Variants in ZNF669 observed in about 807,000 individuals in gnomAD.
ZNF669 encodes zinc finger protein 669.
ZNF669 carries 7 observed loss-of-function variants against 11.4 expected under a neutral mutation model. That is an observed-to-expected ratio of 0.62 (90% CI 0.35 to 1.16). The LOEUF (loss-of-function observed/expected upper bound fraction) is 1.16, where lower values mean the gene tolerates loss of function less well. Ranked by LOEUF, ZNF669 falls within the 50% of genes most tolerant of loss-of-function variation. The pLI, the probability that ZNF669 is intolerant of heterozygous loss-of-function variation, is 0.02. For missense variants in ZNF669, 492 were observed against 463.6 expected, an observed-to-expected ratio of 1.06 and a Z score of -0.56; for synonymous variants, 153 against 155.8, an observed-to-expected ratio of 0.98 and a Z score of 0.13.
At position 247,100,684 on chromosome 1, in the gene ZNF669, T is replaced by C. The variant is rs147008497; in HGVS notation, c.827A>G (p.Tyr276Cys). 7.4e-6 allele frequency: 12 copies of C among 1,614,168 alleles called. No homozygotes were observed. Among genetic ancestry groups the C allele is most frequent in the Admixed American group, 3.3e-5 (2 of 60,020 alleles). ...HGSIHTGERP[Y>C]ECKQCGKAFS... is the part of the protein sequence containing the mutation. ...GGCTTTGCCACATTGTTTACACTCA[T>C]AGGGTCTCTCTCCAGTATGAATGCT... Residue 276 changes from tyrosine to cysteine, a missense_variant, in exon 4 of 4, where the codon TAT becomes TGT. Transcript: ENST00000448299.
chr1:247,103,964 C>T, intron 1 of ZNF669: 2 of 1,604,102 alleles, frequency 1.2e-6, no homozygotes, highest in African/African-American at 1.3e-5. Context: ...GAGGGGTTCC[C>T]GACAGGGCTC....
In ZNF669 at chr1:247,100,960, C is replaced by T. The variant is rs1184949999; in HGVS notation, c.551G>A (p.Arg184Lys). ...YFLNSVERHQ[R>K]THTGEKPYKC... is the part of the protein sequence containing the mutation. ...ATAGGGTTTTTCTCCTGTGTGAGTTCTCTGATGTCTTTCAACTGAATTGAG... is the reference window on the plus strand; with the variant it reads ...ATAGGGTTTTTCTCCTGTGTGAGTTTTCTGATGTCTTTCAACTGAATTGAG... Residue 184 changes from arginine to lysine, a missense_variant, in exon 4 of 4, where the codon AGA (arginine) becomes AAA (lysine). Arg to Lys is a conservative substitution (Grantham distance 26). Coordinates refer to ENST00000448299, the MANE Select transcript of ZNF669 (RefSeq NM_001142572.2). 1.2e-6 allele frequency: 2 copies of T among 1,613,346 alleles called. No homozygotes were observed. The highest frequency in any genetic ancestry group is 3.3e-5 in the Admixed American group (2 of 59,914).
chr1:247,104,107 G>A, intron 1 of ZNF669, 90 bp downstream of exon 1: 1 of 1,597,212 alleles, frequency 6.3e-7, no homozygotes, highest in Non-Finnish European at 8.5e-7. Context: ...GCAGGTTCCG[G>A]AGCCGATGGC....
chr1:247,100,442 C>CT lies in ZNF669; in HGVS notation c.1068dup (p.Glu357ArgfsTer5). 6.2e-7 allele frequency: 1 copy of CT among 1,614,200 alleles called. No individual in the cohort carries two copies. On this transcript the variant is annotated frameshift_variant, in exon 4 of 4. Coordinates refer to ENST00000448299, the MANE Select transcript of ZNF669 (RefSeq NM_001142572.2). LOFTEE classifies it low-confidence loss of function (END_TRUNC). ...TAGGCTGAGTCACTACACCCAGCCTCTATATCATGACTTCTTTCATGGCGA... is the reference window on the plus strand; with the variant it reads ...TAGGCTGAGTCACTACACCCAGCCTCTTATATCATGACTTCTTTCATGGCGA...
Position 247,104,356 on chromosome 1 carries a change from C to T in ZNF669, c.-157G>A. On this transcript the variant is annotated 5_prime_UTR_variant, in exon 1 of 4. Coordinates refer to ENST00000448299, the MANE Select transcript of ZNF669 (RefSeq NM_001142572.2). ...AGAGCCGGCTCCGGCGAAGGAGAGACAAAGCAACCGCCAGGCAGATCCCGG... is the reference window on the plus strand; with the variant it reads ...AGAGCCGGCTCCGGCGAAGGAGAGATAAAGCAACCGCCAGGCAGATCCCGG... 1 of 1,091,396 alleles carries T rather than the reference C, an allele frequency of 9.2e-7. No individual in the cohort carries two copies. The highest frequency in any genetic ancestry group is 1.2e-6 in the Non-Finnish European group (1 of 814,746). 67.6% of individuals were successfully genotyped at this position (1,091,396 alleles called of 1,614,324 possible).
In ZNF669 at chr1:247,100,767, A is replaced by G. The variant is rs142281141; in HGVS notation, c.744T>C (p.Tyr248=). 91 of 1,614,056 alleles carry G rather than the reference A, an allele frequency of 5.6e-5. No homozygotes were observed. The highest frequency in any genetic ancestry group is 7.4e-5 in the Non-Finnish European group (87 of 1,179,976). The change falls in exon 4 of 4, where the codon TAT becomes TAC. Residue 248 remains tyrosine, a synonymous_variant. Coordinates refer to ENST00000448299, the MANE Select transcript of ZNF669 (RefSeq NM_001142572.2). ...HERTHTGERP[Y]KCTKCDKAFS... The stretch of plus-strand genomic sequence containing the variant: ...AGGCTTTATCACATTTGGTACATTT[A>G]TAGGGTCTTTCTCCAGTGTGAGTCC...
intron 1 of ZNF669, among the ~76,000 whole-genome samples, chr1:247,103,118 A>G (rs1671755980): frequency 6.6e-6 from 1 of 152,220 alleles, no homozygotes; most frequent in South Asian, 2.1e-4. Flanking sequence ...ATTTTCAACC[A>G]AAAATATTCA....
intron 1 of ZNF669, 82 bp from the exon 2 acceptor site, chr1:247,102,195 A>C (rs767671879): frequency 1.9e-4 from 276 of 1,463,768 alleles, no homozygotes; most frequent in Non-Finnish European, 2.5e-4. Flanking sequence ...TAAGCTGTTT[A>C]CATGATTTGA....
rs1278092202 is a variant in ZNF669 at position 247,103,949 on chromosome 1, G to A, written c.3+248C>T. On this transcript the variant is annotated intron_variant, in intron 1 of 3. Transcript: ENST00000448299. Reference sequence around the variant, plus strand: ...TGGTCACCACACTACCTGGATAGGGGAGGCGAGGGGTTCCCGACAGGGCTC... The same window carrying A: ...TGGTCACCACACTACCTGGATAGGGAAGGCGAGGGGTTCCCGACAGGGCTC... The A allele has an allele frequency of 1.2e-6, 2 of 1,602,038 alleles. No homozygotes were observed. The highest frequency in any genetic ancestry group is 1.1e-5 in the South Asian group (1 of 89,108).
Position 247,101,186 on chromosome 1 carries a change from CACAAAT to C in ZNF669, c.319_324del (p.Ile107_Cys108del), listed in dbSNP as rs759576154. On this transcript the variant is annotated inframe_deletion, in exon 4 of 4. Transcript: ENST00000448299. The stretch of plus-strand genomic sequence containing the variant: ...AGGGAATGACGTACAAAGACTTTTC[CACAAAT>C]ACTGCATTCACATGGTTTTAATCCA... 1 of 1,614,090 alleles carries C rather than the reference CACAAAT, an allele frequency of 6.2e-7. No individual in the cohort carries two copies. The highest frequency in any genetic ancestry group is 8.5e-7 in the Non-Finnish European group (1 of 1,180,012).
Position 247,101,583 on chromosome 1 carries a change from A to G in ZNF669, c.191+148T>C. 3.7e-6 allele frequency: 3 copies of G among 805,120 alleles called. 1 individual carries two copies. The highest frequency in any genetic ancestry group is 5.4e-5 in the East Asian group (2 of 37,052). The allele number at this position is 805,120 out of a possible 1,614,324, so 49.9% of individuals were successfully genotyped here. On this transcript the variant is annotated intron_variant, in intron 3 of 3. Coordinates refer to ENST00000448299, the MANE Select transcript of ZNF669 (RefSeq NM_001142572.2). ...CTCTTTTGCAAACACTGACTGCTAC[A>G]TTGAAGTACGTTACATTTTGGGTGA... is the stretch of plus-strand genomic sequence containing the variant.
chr1:247,101,400 T>C (rs1467302589), intron 3 of ZNF669, 81 bp from the exon 4 acceptor site: 3 of 1,437,170 alleles, frequency 2.1e-6, no homozygotes, highest in Non-Finnish European at 2.8e-6. Context: ...GGACTTACAC[T>C]GCTACCAATA....
At chr1:247,102,675 C>G (rs968382414) in intron 1 of ZNF669, among the ~76,000 whole-genome samples, 8 of 152,074 alleles carry the variant, frequency 5.3e-5, no homozygotes, top group Non-Finnish European at 1.2e-4. Flanking sequence ...AACCAGACAC[C>G]AAAACACAGT....
At chr1:247,103,797 A>G (rs972805042) in intron 1 of ZNF669, 7 of 1,184,848 alleles carry the variant, frequency 5.9e-6, no homozygotes, top group Non-Finnish European at 6.9e-6. Flanking sequence ...TAACGTTTTA[A>G]CAAAGCCTCG....
chr1:247,100,146 A>G lies in ZNF669; in HGVS notation c.*228T>C, dbSNP rs534812213. ...ACCACAGGCGTCTGCCACCACGCCC[A>G]GCTAATTTTTTGTATTTTTAGTAGA... On this transcript the variant is annotated 3_prime_UTR_variant, in exon 4 of 4. Transcript: ENST00000448299. 99 of 402,798 alleles carry G rather than the reference A, an allele frequency of 2.5e-4. 1 individual carries two copies. The highest frequency in any genetic ancestry group is 8.4e-4 in the Admixed American group (20 of 23,734). 25.0% of individuals were successfully genotyped at this position (402,798 alleles called of 1,614,324 possible). A position where few individuals can be genotyped will look rare whatever the true frequency, so the allele number is the denominator to read the frequency against.
Position 247,102,214 on chromosome 1 carries a change from A to C in ZNF669, c.4-101T>G, listed in dbSNP as rs1671740177. On this transcript the variant is annotated intron_variant, in intron 1 of 3. Coordinates refer to ENST00000448299, the MANE Select transcript of ZNF669 (RefSeq NM_001142572.2). Reference sequence around the variant, plus strand: ...CTGTTTACATGATTTGATAATTTCCAAGCATTTATTCTATGACTTGATTGT... The same window carrying C: ...CTGTTTACATGATTTGATAATTTCCCAGCATTTATTCTATGACTTGATTGT... 2.1e-6 allele frequency: 3 copies of C among 1,395,994 alleles called. No individual in the cohort carries two copies. The African/African-American group carries it at 4.3e-5, about 20-fold the overall frequency. The allele number at this position is 1,395,994 out of a possible 1,614,324, so 86.5% of individuals were successfully genotyped here.
At position 247,099,973 on chromosome 1, in the gene ZNF669, ATTTT is replaced by A. The variant is rs200967616; in HGVS notation, c.*397_*400del. On this transcript the variant is annotated 3_prime_UTR_variant, in exon 4 of 4. Coordinates refer to ENST00000448299, the MANE Select transcript of ZNF669 (RefSeq NM_001142572.2). Reference sequence around the variant, plus strand: ...AATGTGCCACCATGCCCAGCTAATTATTTTTTTATTTTATTTTATCTTATTTTTT... The same window carrying A: ...AATGTGCCACCATGCCCAGCTAATTATTTATTTTATTTTATCTTATTTTTT... 0.022 allele frequency: 3,598 copies of A among 160,012 alleles called. 147 individuals carry two copies. Among genetic ancestry groups the A allele is most frequent in the African/African-American group, 0.081 (3,340 of 41,348 alleles). The allele number at this position is 160,012 out of a possible 1,614,324, so 9.9% of individuals were successfully genotyped here.
intron 3 of ZNF669, among the ~76,000 whole-genome samples, 175 bp from the exon 4 acceptor site, chr1:247,101,494 G>A (rs951886159): frequency 6.6e-6 from 1 of 151,912 alleles, no homozygotes. Flanking sequence ...GCTACCACCT[G>A]CATGGCTATG....
chr1:247,101,923 C>G (rs1310684182), intron 2 of ZNF669, 64 bp downstream of exon 2: 4 of 1,611,356 alleles, frequency 2.5e-6, no homozygotes, highest in Non-Finnish European at 3.4e-6. Flanking sequence ...CATTCCAAAT[C>G]ATAAATAGCA....
Sources: gnomAD v4.1 joint callset for allele counts (sites outside exome capture counted in the v4.1 genomes callset) on GRCh38, gnomAD v4.1.1 for gene constraint, MANE v1.5 for transcripts, NCBI Gene and HGNC (gene_info 2026-07-23, HGNC 2026-07-21) for gene names.